The following OPHN1 variants were observed in gnomAD, a reference collection of about 807,000 sequenced individuals.
OPHN1 encodes oligophrenin 1, also known as oligophrenin-1.
Under a neutral mutation model 60.7 loss-of-function variants are expected in OPHN1, and 11 were observed. The observed-to-expected ratio is 0.18, with a 90% confidence interval of 0.11 to 0.30. OPHN1 has a LOEUF of 0.30. Among genes scored for constraint, OPHN1 ranks in the 10% least tolerant of loss-of-function variants. The pLI is 1.00. For missense variants in OPHN1, 449 were observed against 611.0 expected (o/e 0.73, Z 2.80); for synonymous variants, 226 against 222.6 (o/e 1.02, Z -0.14).
At chrX:68,120,138 C>G (rs1341255485) in intron 15 of OPHN1, among the ~76,000 whole-genome samples, 1 of 111,253 alleles carries the variant, frequency 9.0e-6, no homozygotes, top group Non-Finnish European at 1.9e-5. Context: ...CACTAAAAGA[C>G]AGAGACATAA....
chrX:68,130,407 T>A (rs1051660505), intron 15 of OPHN1, among the ~76,000 whole-genome samples: 2 of 111,645 alleles, frequency 1.8e-5, no homozygotes, highest in African/African-American at 6.5e-5. Flanking sequence ...GAGGCAAAAA[T>A]TATATTTTGG....
chrX:68,363,371 A>G (rs187923146), intron 2 of OPHN1, among the ~76,000 whole-genome samples: 1 of 111,597 alleles, frequency 9.0e-6, no homozygotes, highest in Non-Finnish European at 1.9e-5. Flanking sequence ...GTGCAATGGC[A>G]CGATCTCAGC....
chrX:68,252,206 A>T (rs764459426), intron 5 of OPHN1, among the ~76,000 whole-genome samples: 180 of 112,230 alleles, frequency 1.6e-3, no homozygotes, highest in Admixed American at 2.8e-3. Context: ...ACCTAATTGA[A>T]AAAAAACAAA....
At chrX:68,121,964 G>A (rs900143601) in intron 15 of OPHN1, among the ~76,000 whole-genome samples, 8 of 108,715 alleles carry the variant, frequency 7.4e-5, no homozygotes, top group African/African-American at 2.3e-4. Context: ...CCCAGTCCTG[G>A]CAGGACCCAT....
intron 11 of OPHN1, among the ~76,000 whole-genome samples, chrX:68,199,062 G>A (rs958159507): frequency 1.8e-5 from 2 of 112,170 alleles, no homozygotes; most frequent in Non-Finnish European, 3.8e-5. Flanking sequence ...ACGCTTAAAT[G>A]GCTGATAACA....
chrX:68,361,980 A>G (rs1477061526), intron 2 of OPHN1, among the ~76,000 whole-genome samples: 1 of 111,386 alleles, frequency 9.0e-6, no homozygotes, highest in Non-Finnish European at 1.9e-5. Context: ...AATGTTGAGC[A>G]TTTTTTTCAT....
intron 15 of OPHN1, among the ~76,000 whole-genome samples, chrX:68,139,646 C>G (rs1031962137): frequency 8.9e-6 from 1 of 112,375 alleles, no homozygotes; most frequent in Non-Finnish European, 1.9e-5. Flanking sequence ...AAAAAGTAGA[C>G]TTTCTTTTTA....
At chrX:68,267,177 C>A (rs2077934732) in intron 5 of OPHN1, among the ~76,000 whole-genome samples, 1 of 111,457 alleles carries the variant, frequency 9.0e-6, no homozygotes, top group South Asian at 3.8e-4. Flanking sequence ...AGCAAGCAGA[C>A]CTAATAGACA....
intron 2 of OPHN1, among the ~76,000 whole-genome samples, chrX:68,355,193 C>G (rs183849487): frequency 4.8e-4 from 54 of 112,622 alleles, no homozygotes; most frequent in African/African-American, 1.7e-3. Context: ...GAAAATCTTT[C>G]TAGTTGTGTC....
rs1226693427 is a variant in OPHN1, at chrX:68,327,795, A to T, written c.155-28699T>A. Reference sequence around the variant, plus strand: ...ATCAATAAAAATAAAAAATAAAAAAAATAAAAAAAAAAAAAAAAAAAATTT... The same window carrying T: ...ATCAATAAAAATAAAAAATAAAAAATATAAAAAAAAAAAAAAAAAAAATTT... On this transcript the variant is annotated intron_variant, in intron 2 of 24. Transcript: ENST00000355520. Among the ~76,000 whole-genome samples, 89 of 80,454 alleles carry T rather than the reference A, an allele frequency of 1.1e-3. 1 individual carries two copies. Among genetic ancestry groups the T allele is most frequent in the Admixed American group, 8.8e-3 (73 of 8,315 alleles). 69.9% of individuals were successfully genotyped at this position (80,454 alleles called of 115,157 possible). A position where few individuals can be genotyped will look rare whatever the true frequency, so the allele number is the denominator to read the frequency against.
intron 18 of OPHN1, among the ~76,000 whole-genome samples, chrX:68,097,842 C>G (rs1478258121): frequency 9.0e-6 from 1 of 111,318 alleles, no homozygotes; most frequent in Non-Finnish European, 1.9e-5. Context: ...ACTCTAACCT[C>G]TCTGAACTTC....
chrX:68,067,751 T>C (rs1341153029), intron 20 of OPHN1, among the ~76,000 whole-genome samples: 1 of 110,622 alleles, frequency 9.0e-6, no homozygotes, highest in Non-Finnish European at 1.9e-5. Context: ...ATGGAGTCCA[T>C]GACGAGGGTG....
intron 2 of OPHN1, among the ~76,000 whole-genome samples, chrX:68,410,696 C>T (rs2078764919): frequency 9.0e-6 from 1 of 111,348 alleles, no homozygotes; most frequent in Admixed American, 9.7e-5. Context: ...AAAGTCTACA[C>T]TTCCTAATAC....
At chrX:68,424,124 G>A (rs1311835503) in intron 2 of OPHN1, among the ~76,000 whole-genome samples, 1 of 110,297 alleles carries the variant, frequency 9.1e-6, no homozygotes, top group African/African-American at 3.3e-5. Context: ...TCAAGATCGT[G>A]CCACTGCACT....
At chrX:68,072,137 C>T (rs1393813852) in intron 20 of OPHN1, among the ~76,000 whole-genome samples, 1 of 111,701 alleles carries the variant, frequency 9.0e-6, no homozygotes, top group Non-Finnish European at 1.9e-5. Flanking sequence ...TGGAGGAGAC[C>T]AGAGTAGGAG....
At chrX:68,114,851 G>C (rs1469845739) in intron 16 of OPHN1, among the ~76,000 whole-genome samples, 1 of 111,682 alleles carries the variant, frequency 9.0e-6, no homozygotes, top group Non-Finnish European at 1.9e-5. Flanking sequence ...GATGGCAAGG[G>C]AGCAGTTTGG....
chrX:68,109,536 T>C (rs1443431074), intron 18 of OPHN1, among the ~76,000 whole-genome samples: 3 of 111,808 alleles, frequency 2.7e-5, no homozygotes. Context: ...GGTATATACC[T>C]AGGAGTGGAG....
At chrX:68,084,787 G>T (rs763324195) in intron 19 of OPHN1, among the ~76,000 whole-genome samples, 1 of 111,990 alleles carries the variant, frequency 8.9e-6, no homozygotes, top group South Asian at 3.8e-4. Flanking sequence ...TTGGTAAGGA[G>T]CTGGTTGAGA....
chrX:68,222,185 T>C (rs1330484597), intron 6 of OPHN1, among the ~76,000 whole-genome samples: 9 of 108,965 alleles, frequency 8.3e-5, no homozygotes, highest in East Asian at 5.8e-4. Context: ...AAAATGCTCG[T>C]CATCACTGGC....
Sources: allele counts gnomAD v4.1 joint callset (sites outside exome capture counted in the v4.1 genomes callset), GRCh38; gene constraint gnomAD v4.1.1; transcripts MANE v1.5; gene names NCBI Gene and HGNC (gene_info 2026-07-23, HGNC 2026-07-21).